Variants in ZBTB16 observed in about 807,000 individuals in gnomAD.
ZBTB16 encodes zinc finger and BTB domain containing 16.
Under a neutral mutation model 56.8 loss-of-function variants are expected in ZBTB16, and 8 were observed. The ratio of observed to expected loss-of-function variants is 0.14; its 90% CI spans 0.08 to 0.25. The LOEUF is 0.25. Ranked by LOEUF, ZBTB16 falls within the 10% of genes least tolerant of loss-of-function variation. The probability of loss-of-function intolerance (pLI) is 1.00; values close to 1 mark genes in which losing one functional copy is unlikely to be tolerated. For synonymous variants in ZBTB16, 363 were observed against 368.5 expected, an observed-to-expected ratio of 0.98 and a Z score of 0.17; for missense variants, 625 against 903.0, an observed-to-expected ratio of 0.69 and a Z score of 3.95.
chr11:114,166,602 T>C (rs1317645442), intron 3 of ZBTB16, among the ~76,000 whole-genome samples: 1 of 152,182 alleles, frequency 6.6e-6, no homozygotes, highest in Non-Finnish European at 1.5e-5. Context: ...AAAAACTAAA[T>C]GAGCTCATCA....
Position 114,167,214 on chromosome 11 carries a change from TG to T in ZBTB16, c.1366+10782del, listed in dbSNP as rs1392171815. 9.2e-4 allele frequency among the ~76,000 whole-genome samples: 107 copies of T among 115,914 alleles called. 4 individuals are homozygous for T. The East Asian group carries it at 0.018, about 19-fold the overall frequency. 76.0% of individuals were successfully genotyped at this position (115,914 alleles called of 152,430 possible). ...GGAGCCTCGGGCCATTATGGATTTG[TG>T]GTTTTTTTTTTTTTTGGTTTTTTTT... On this transcript the variant is annotated intron_variant, in intron 3 of 6. Coordinates refer to ENST00000335953, the MANE Select transcript of ZBTB16 (RefSeq NM_006006.6).
rs1030536923 is a variant in ZBTB16, at chr11:114,251,184, G to T, written c.*629G>T. ...GGTCTCTGAGAGCCTCAGGACCCCT[G>T]CCCCTCCTCCAGCTCTTTGTTCCCA... On this transcript the variant is annotated 3_prime_UTR_variant, in exon 7 of 7. Transcript: ENST00000335953. 2.0e-5 allele frequency among the ~76,000 whole-genome samples: 3 copies of T among 152,092 alleles called. No homozygotes were observed. The highest frequency in any genetic ancestry group is 2.0e-4 in the Admixed American group (3 of 15,268).
intron 4 of ZBTB16, among the ~76,000 whole-genome samples, chr11:114,223,877 A>G (rs1357727883): frequency 6.6e-6 from 1 of 152,210 alleles, no homozygotes; most frequent in East Asian, 1.9e-4. Context: ...GAAGAATGCC[A>G]GGCTGAGAGT....
chr11:114,174,879 A>G (rs1196846994), intron 3 of ZBTB16, among the ~76,000 whole-genome samples: 2 of 152,166 alleles, frequency 1.3e-5, no homozygotes, highest in Admixed American at 1.3e-4. Flanking sequence ...AGCTGCAGGG[A>G]AGAGGCAGGG....
Position 114,253,306 on chromosome 11 carries a change from G to A in ZBTB16, c.*2751G>A, listed in dbSNP as rs2135225426. ...TCCATTCATAAAAGCTGAGAGGGTT[G>A]AGCTAATCTTCACAAATTGTAATAT... On this transcript the variant is annotated 3_prime_UTR_variant, in exon 7 of 7. Coordinates refer to ENST00000335953, the MANE Select transcript of ZBTB16 (RefSeq NM_006006.6). 6.6e-6 allele frequency among the ~76,000 whole-genome samples: 1 copy of A among 152,262 alleles called. No homozygotes were observed. Among genetic ancestry groups the A allele is most frequent in the Middle Eastern group, 3.4e-3 (1 of 294 alleles).
intron 2 of ZBTB16, among the ~76,000 whole-genome samples, chr11:114,071,730 C>G (rs375232876): frequency 4.6e-5 from 7 of 152,160 alleles, no homozygotes; most frequent in African/African-American, 1.7e-4. Context: ...TTTTCCATAA[C>G]TAAAGATTTT....
intron 3 of ZBTB16, among the ~76,000 whole-genome samples, chr11:114,161,997 C>T (rs1942602440): frequency 6.6e-6 from 1 of 152,220 alleles, no homozygotes; most frequent in African/African-American, 2.4e-5. Flanking sequence ...CCTCTCTTGC[C>T]CTTGTCAGGC....
chr11:114,160,012 T>C (rs897699551), intron 3 of ZBTB16, among the ~76,000 whole-genome samples: 3 of 149,214 alleles, frequency 2.0e-5, no homozygotes, highest in Admixed American at 6.8e-5. Flanking sequence ...GTAGGGGTTG[T>C]GGTTGCCCCC....
chr11:114,093,257 A>C (rs1210714552), intron 2 of ZBTB16, among the ~76,000 whole-genome samples: 1 of 151,788 alleles, frequency 6.6e-6, no homozygotes, highest in African/African-American at 2.4e-5. Context: ...ATTTAGGCCT[A>C]TCCCAGAGAG....
At chr11:114,154,478 A>G (rs1942354720) in intron 2 of ZBTB16, among the ~76,000 whole-genome samples, 1 of 152,198 alleles carries the variant, frequency 6.6e-6, no homozygotes. Flanking sequence ...ATGCCCGGGC[A>G]AGTGACAGGA....
intron 4 of ZBTB16, chr11:114,187,325 G>A: frequency 4.0e-6 from 2 of 504,418 alleles, no homozygotes; most frequent in South Asian, 4.4e-5. Flanking sequence ...GAGGTATCTA[G>A]TATGCTCTTG....
intron 4 of ZBTB16, among the ~76,000 whole-genome samples, chr11:114,201,967 G>C (rs902032335): frequency 1.3e-5 from 2 of 152,130 alleles, no homozygotes; most frequent in African/African-American, 4.8e-5. Context: ...AAAAGAAAAG[G>C]CTGCAAGTAC....
intron 2 of ZBTB16, among the ~76,000 whole-genome samples, chr11:114,069,420 C>T (rs1939247350): frequency 6.6e-6 from 1 of 152,204 alleles, no homozygotes; most frequent in African/African-American, 2.4e-5. Flanking sequence ...TCAGGAACCA[C>T]AGGGAATGTC....
chr11:114,167,245 T>TTG lies in ZBTB16; in HGVS notation c.1366+10812_1366+10813insGT, dbSNP rs1426948125. On this transcript the variant is annotated intron_variant, in intron 3 of 6. Coordinates refer to ENST00000335953, the MANE Select transcript of ZBTB16 (RefSeq NM_006006.6). ...TTTTTTTTTTTGGTTTTTTTTTTTT[T>TTG]TTTTTTTTGACAAGCTTGGTTTTCA... Among the ~76,000 whole-genome samples, 29 of 137,470 alleles carry TTG rather than the reference T, an allele frequency of 2.1e-4. No homozygotes were observed. In the East Asian group the frequency reaches 4.8e-3, roughly 23 times the overall value. 90.2% of individuals were successfully genotyped at this position (137,470 alleles called of 152,430 possible). A position where few individuals can be genotyped will look rare whatever the true frequency, so the allele number is the denominator to read the frequency against.
At chr11:114,208,268 G>T (rs1943929822) in intron 4 of ZBTB16, among the ~76,000 whole-genome samples, 1 of 152,172 alleles carries the variant, frequency 6.6e-6, no homozygotes, top group South Asian at 2.1e-4. Flanking sequence ...AATGCTTATT[G>T]CATGATTAAT....
chr11:114,149,451 CTGCTG>C (rs1328811205), intron 2 of ZBTB16, among the ~76,000 whole-genome samples: 3 of 152,182 alleles, frequency 2.0e-5, no homozygotes, highest in Non-Finnish European at 4.4e-5. Flanking sequence ...AGAGAGGCAC[CTGCTG>C]TGTGCTCCCA....
rs1284821677 is a variant in ZBTB16 at position 114,121,086 on chromosome 11, T to C, written c.1269-35251T>C. Among the ~76,000 whole-genome samples, 3 of 152,328 alleles carry C rather than the reference T, an allele frequency of 2.0e-5. No individual in the cohort carries two copies. The East Asian group carries it at 5.8e-4, about 29-fold the overall frequency. On this transcript the variant is annotated intron_variant, in intron 2 of 6. Coordinates refer to ENST00000335953, the MANE Select transcript of ZBTB16 (RefSeq NM_006006.6). Reference sequence around the variant, plus strand: ...CCCACGTTTAGAGACACCATAGAATTGTATAGAACCTTAGGTATCAAACTG... The same window carrying C: ...CCCACGTTTAGAGACACCATAGAATCGTATAGAACCTTAGGTATCAAACTG...
chr11:114,227,236 A>G (rs1944344691), intron 4 of ZBTB16, among the ~76,000 whole-genome samples: 1 of 152,032 alleles, frequency 6.6e-6, no homozygotes, highest in Non-Finnish European at 1.5e-5. Flanking sequence ...CATCACCCCC[A>G]GTATTGCACA....
At chr11:114,186,824 C>A (rs940377374) in intron 3 of ZBTB16, 128 bp from the exon 4 acceptor site, 2 of 833,154 alleles carry the variant, frequency 2.4e-6, no homozygotes, top group Non-Finnish European at 4.1e-6. Context: ...ATGGATGATC[C>A]CTCACTCAGG....
Sources: gnomAD v4.1 joint callset for allele counts (sites outside exome capture counted in the v4.1 genomes callset) on GRCh38, gnomAD v4.1.1 for gene constraint, MANE v1.5 for transcripts, NCBI Gene and HGNC (gene_info 2026-07-23, HGNC 2026-07-21) for gene names.